ZNF516: variants seen among roughly 807,000 people sequenced by gnomAD.
The protein encoded by ZNF516 is zinc finger protein 516.
A neutral mutation model predicts 79.7 loss-of-function variants in ZNF516; 19 were observed. That is an observed-to-expected ratio of 0.24 (90% CI 0.17 to 0.35). The LOEUF (loss-of-function observed/expected upper bound fraction) is 0.35, where lower values mean the gene tolerates loss of function less well. Ranked by LOEUF, ZNF516 falls within the 10% of genes least tolerant of loss-of-function variation. ZNF516 has a pLI of 1.00. For synonymous variants in ZNF516, 877 were observed against 739.5 expected, an observed-to-expected ratio of 1.19 and a Z score of -3.02; for missense variants, 1,678 against 1,679.5, an observed-to-expected ratio of 1.00 and a Z score of 0.02.
chr18:76,434,493 T>C (rs1481941202), intron 3 of ZNF516, among the ~76,000 whole-genome samples: 2 of 152,084 alleles, frequency 1.3e-5, no homozygotes, highest in Non-Finnish European at 1.5e-5. Flanking sequence ...GGCTCTGGAG[T>C]CCGAGAATAT....
At position 76,359,862 on chromosome 18, in the gene ZNF516, A is replaced by G. The variant is rs939635312; in HGVS notation, c.*2636T>C. ...AAGGCAATCAAAACGGTGGCTAAAT[A>G]AATAAGGAAACACAAATCATATTAA... is the stretch of plus-strand genomic sequence containing the variant. On this transcript the variant is annotated 3_prime_UTR_variant, in exon 7 of 7. Coordinates refer to ENST00000443185, the MANE Select transcript of ZNF516 (RefSeq NM_014643.4). 11 of 152,230 alleles carry G rather than the reference A, an allele frequency of 7.2e-5. No homozygotes were observed. The highest frequency in any genetic ancestry group is 1.5e-4 in the Non-Finnish European group (10 of 68,038). The allele number at this position is 152,230 out of a possible 1,614,324, so 9.4% of individuals were successfully genotyped here. A position where few individuals can be genotyped will look rare whatever the true frequency, so the allele number is the denominator to read the frequency against.
chr18:76,408,698 G>A (rs543595555), intron 3 of ZNF516, among the ~76,000 whole-genome samples: 4 of 152,314 alleles, frequency 2.6e-5, no homozygotes, highest in African/African-American at 4.8e-5. Flanking sequence ...ACTGACCCAC[G>A]TGAATGTTTG....
intron 2 of ZNF516, among the ~76,000 whole-genome samples, chr18:76,460,995 C>T (rs1220404028): frequency 1.3e-5 from 2 of 152,048 alleles, no homozygotes; most frequent in South Asian, 2.1e-4. Flanking sequence ...CTGGCCAACA[C>T]GGTGAAACCT....
intron 3 of ZNF516, among the ~76,000 whole-genome samples, chr18:76,399,726 CCT>C (rs1799633704): frequency 6.6e-6 from 1 of 152,158 alleles, no homozygotes; most frequent in Non-Finnish European, 1.5e-5. Flanking sequence ...CCAGGGCCCC[CCT>C]GATACTGTAT....
chr18:76,495,634 A>C, upstream of ZNF516: 1 of 822,522 alleles, frequency 1.2e-6, no homozygotes, highest in Non-Finnish European at 1.6e-6. Flanking sequence ...TCAAGGTCTA[A>C]GGCTGCTGCA....
chr18:76,379,107 G>C lies in ZNF516; in HGVS notation c.3007C>G (p.Pro1003Ala), dbSNP rs1204429704. 1.2e-6 allele frequency: 2 copies of C among 1,611,772 alleles called. No individual in the cohort carries two copies. Among genetic ancestry groups the C allele is most frequent in the East Asian group, 2.2e-5 (1 of 44,852 alleles). The change falls in exon 4 of 7, where the codon CCC becomes GCC. Residue 1003 changes from proline to alanine, a missense_variant. Transcript: ENST00000443185. Reference protein sequence around the residue: ...GAPPLPPREPPSKAAQELRTL... With the variant: ...GAPPLPPREPASKAAQELRTL... Reference sequence around the variant, plus strand: ...CTCAGCTCCTGGGCTGCCTTCGAGGGGGGCTCGCGGGGAGGTAGAGGAGGA... The same window carrying C: ...CTCAGCTCCTGGGCTGCCTTCGAGGCGGGCTCGCGGGGAGGTAGAGGAGGA...
chr18:76,373,150 G>T (rs1246618160), intron 4 of ZNF516, among the ~76,000 whole-genome samples: 1 of 151,126 alleles, frequency 6.6e-6, no homozygotes, highest in Non-Finnish European at 1.5e-5. Context: ...ATTCTGTCTT[G>T]AATGAAAGAA....
rs1247370504 is a variant in ZNF516 at position 76,379,026 on chromosome 18, G to T, written c.3088C>A (p.Pro1030Thr). The change falls in exon 4 of 7, where the codon CCC becomes ACC. Residue 1030 changes from proline (P) to threonine (T), a missense_variant. Transcript: ENST00000443185. ...SRGDAALQAQ[P>T]GVAGAPPVLH... The stretch of plus-strand genomic sequence containing the variant: ...ACGGGGGGCGCCCCAGCCACGCCGG[G>T]CTGGGCCTGCAAGGCCGCGTCGCCC... The T allele has an allele frequency of 1.2e-6, 2 of 1,606,870 alleles. No homozygotes were observed. Among genetic ancestry groups the T allele is most frequent in the East Asian group, 2.2e-5 (1 of 44,626 alleles).
At chr18:76,489,749 T>C (rs973484627) in intron 1 of ZNF516, among the ~76,000 whole-genome samples, 119 of 152,326 alleles carry the variant, frequency 7.8e-4, no homozygotes, top group African/African-American at 2.8e-3. Context: ...AGCAGACACA[T>C]TTCTCAAAGT....
At position 76,362,411 on chromosome 18, in the gene ZNF516, C is replaced by T; in HGVS notation, c.*87G>A. ...CCCGGCTGTTCTTCCATGGAGCGGC[C>T]AGGTCACAGGTGGGAGGCTGCTGGG... On this transcript the variant is annotated 3_prime_UTR_variant, in exon 7 of 7. Transcript: ENST00000443185. The T allele has an allele frequency of 7.4e-7, 1 of 1,357,934 alleles. No individual in the cohort carries two copies. Among genetic ancestry groups the T allele is most frequent in the South Asian group, 1.3e-5 (1 of 79,376 alleles). 84.1% of individuals were successfully genotyped at this position (1,357,934 alleles called of 1,614,324 possible). A position where few individuals can be genotyped will look rare whatever the true frequency, so the allele number is the denominator to read the frequency against.
Position 76,358,145 on chromosome 18 carries a change from G to A in ZNF516, c.*4353C>T, listed in dbSNP as rs993170329. On this transcript the variant is annotated 3_prime_UTR_variant, in exon 7 of 7. Coordinates refer to ENST00000443185, the MANE Select transcript of ZNF516 (RefSeq NM_014643.4). ...CACAGACCAAAGCGGGCTGTCAAAC[G>A]ATTTACGCCACCCTCTGAAATTGGG... is the stretch of plus-strand genomic sequence containing the variant. 12 of 152,134 alleles carry A rather than the reference G, an allele frequency of 7.9e-5. No individual in the cohort carries two copies. The highest frequency in any genetic ancestry group is 2.4e-4 in the African/African-American group (10 of 41,416). 9.4% of individuals were successfully genotyped at this position (152,134 alleles called of 1,614,324 possible).
At chr18:76,490,288 A>AG (rs910973704) in intron 1 of ZNF516, 27 of 672,984 alleles carry the variant, frequency 4.0e-5, no homozygotes, top group Admixed American at 1.3e-4. Context: ...AATTTTACTA[A>AG]GGGGGGGCGA....
chr18:76,458,654 G>C (rs1043251058), intron 2 of ZNF516, among the ~76,000 whole-genome samples: 1 of 129,774 alleles, frequency 7.7e-6, no homozygotes, highest in Non-Finnish European at 1.7e-5. Context: ...ACCGTCGTGC[G>C]TGTGCGTGCC....
In ZNF516 at chr18:76,441,486, G is replaced by A. The variant is rs370591583; in HGVS notation, c.1569C>T (p.Ile523=). 6.7e-5 allele frequency: 108 copies of A among 1,600,990 alleles called. No individual in the cohort carries two copies. In the African/African-American group the frequency reaches 1.1e-3, roughly 17 times the overall value. ...GCACCATCTGATGATAGGTGCGGAA[G>A]ATCTTGCCGCACTCGAAGCACTCGG... ...KSSECFECGK[I]FRTYHQMVLH... is the part of the protein sequence containing the mutation. The change falls in exon 3 of 7, where the codon ATC becomes ATT. Residue 523 remains isoleucine (I), a synonymous_variant. Coordinates refer to ENST00000443185, the MANE Select transcript of ZNF516 (RefSeq NM_014643.4).
Position 76,441,670 on chromosome 18 carries a change from T to C in ZNF516, c.1385A>G (p.Glu462Gly), listed in dbSNP as rs879074486. Reference protein sequence around the residue: ...DRREYVLVSQEKRKREQDAPA... With the variant: ...DRREYVLVSQGKRKREQDAPA... ...TGCATCCTGCTCACGCTTGCGCTTC[T>C]CCTGGCTCACCAGGACGTACTCGCG... Residue 462 changes from glutamate to glycine, a missense_variant, in exon 3 of 7, where the codon GAG (glutamate) becomes GGG (glycine). Around this residue, in one of 5 missense-constraint regions of ZNF516, gnomAD observed 1,294 missense variants for 1,248.3 expected, o/e 1.04. Transcript: ENST00000443185. 1 of 1,552,232 alleles carries C rather than the reference T, an allele frequency of 6.4e-7. No individual in the cohort carries two copies. Among genetic ancestry groups the C allele is most frequent in the South Asian group, 1.2e-5 (1 of 84,556 alleles).
chr18:76,459,795 C>T lies in ZNF516; in HGVS notation c.-158+3233G>A, dbSNP rs1912984485. 6.6e-6 allele frequency among the ~76,000 whole-genome samples: 1 copy of T among 152,134 alleles called. No homozygotes were observed. Among genetic ancestry groups the T allele is most frequent in the South Asian group, 2.1e-4 (1 of 4,816 alleles). On this transcript the variant is annotated intron_variant, in intron 2 of 6. Coordinates refer to ENST00000443185, the MANE Select transcript of ZNF516 (RefSeq NM_014643.4). The surrounding 1 kb of genome is among the most constrained non-coding windows in gnomAD (Gnocchi z 5.0). ...GGAGGATTCAGGGCCAACTGCAGGC[C>T]CCCGGAGACGAGGTTAGACGGTGGC...
chr18:76,426,003 T>C (rs2075588880), intron 3 of ZNF516, among the ~76,000 whole-genome samples: 1 of 152,256 alleles, frequency 6.6e-6, no homozygotes, highest in Non-Finnish European at 1.5e-5. Flanking sequence ...TCATGTTGCA[T>C]AGCAAACTCA....
At position 76,378,943 on chromosome 18, in the gene ZNF516, G is replaced by A; in HGVS notation, c.3171C>T (p.Ile1057=). Residue 1057 remains isoleucine (I), a synonymous_variant, in exon 4 of 7, where the codon ATC becomes ATT. Coordinates refer to ENST00000443185, the MANE Select transcript of ZNF516 (RefSeq NM_014643.4). The stretch of plus-strand genomic sequence containing the variant: ...GAATGTACGTCTTAAAGATGTTGAG[G>A]ATGTCCAGGCGCTTCTCATGCCCCT... ...VAEGHEKRLD[I]LNIFKTYIPK... 6.2e-7 allele frequency: 1 copy of A among 1,613,858 alleles called. No individual in the cohort carries two copies. The highest frequency in any genetic ancestry group is 8.5e-7 in the Non-Finnish European group (1 of 1,179,828).
intron 3 of ZNF516, among the ~76,000 whole-genome samples, chr18:76,390,543 G>T (rs1445676392): frequency 6.6e-6 from 1 of 152,198 alleles, no homozygotes; most frequent in East Asian, 1.9e-4. Flanking sequence ...AGGACCAGGG[G>T]ATTCCAGGGA....
Sources: allele counts gnomAD v4.1 joint callset (sites outside exome capture counted in the v4.1 genomes callset), GRCh38; gene constraint gnomAD v4.1.1; regional missense constraint gnomAD v4.1.1; non-coding constraint Gnocchi (gnomAD v3.1); transcripts MANE v1.5; gene names NCBI Gene and HGNC (gene_info 2026-07-23, HGNC 2026-07-21).